Variants in DYM observed in about 807,000 individuals in gnomAD.
DYM encodes the protein dyggve-Melchior-Clausen syndrome protein.
Under a neutral mutation model 93.1 loss-of-function variants are expected in DYM, and 78 were observed. The ratio of observed to expected loss-of-function variants is 0.84; its 90% CI spans 0.70 to 1.01. DYM has a LOEUF of 1.01. DYM is among the 50% of genes least tolerant of loss of function. The pLI is 0.00. For missense variants in DYM, 789 were observed against 845.0 expected (o/e 0.93, Z 0.82); for synonymous variants, 321 against 319.7 (o/e 1.00, Z -0.04).
chr18:49,060,565 C>G (rs540349098), intron 17 of DYM, among the ~76,000 whole-genome samples: 12 of 148,556 alleles, frequency 8.1e-5, no homozygotes, highest in African/African-American at 3.0e-4. Flanking sequence ...CCATGCAGCC[C>G]CAGGTCAGGC....
intron 8 of DYM, among the ~76,000 whole-genome samples, chr18:49,298,821 T>G (rs543839738): frequency 1.3e-5 from 2 of 152,332 alleles, no homozygotes; most frequent in Admixed American, 1.3e-4. Flanking sequence ...AGTAAAACTC[T>G]TGGTTCACAT....
At chr18:49,272,686 T>C (rs1224019488) in intron 10 of DYM, among the ~76,000 whole-genome samples, 1 of 152,196 alleles carries the variant, frequency 6.6e-6, no homozygotes, top group Non-Finnish European at 1.5e-5. Flanking sequence ...TTTATGTGCT[T>C]AGCACCACCT....
intron 11 of DYM, among the ~76,000 whole-genome samples, chr18:49,268,882 T>A (rs2094620583): frequency 6.6e-6 from 1 of 152,150 alleles, no homozygotes; most frequent in Non-Finnish European, 1.5e-5. Context: ...AGTATTTTAC[T>A]GAAAACAAGA....
chr18:49,340,087 A>G (rs759688293), intron 6 of DYM, among the ~76,000 whole-genome samples: 32 of 152,086 alleles, frequency 2.1e-4, no homozygotes, highest in Non-Finnish European at 4.0e-4. Flanking sequence ...AGTAGCTGTG[A>G]ACTACAGGCA....
intron 14 of DYM, among the ~76,000 whole-genome samples, chr18:49,202,518 G>A (rs1271893537): frequency 7.4e-6 from 1 of 135,230 alleles, no homozygotes. Context: ...GAGCGTCTCC[G>A]CCCGGCCGCC....
chr18:49,189,507 T>C (rs1401582310), intron 14 of DYM, among the ~76,000 whole-genome samples: 2 of 152,172 alleles, frequency 1.3e-5, no homozygotes, highest in African/African-American at 2.4e-5. Flanking sequence ...ATTTACTATC[T>C]GCCAAACAAT....
chr18:49,313,050 G>A (rs1371635139), intron 8 of DYM, among the ~76,000 whole-genome samples: 3 of 152,164 alleles, frequency 2.0e-5, no homozygotes, highest in African/African-American at 7.2e-5. Flanking sequence ...TTGAATAGGA[G>A]CTAGGTTAAA....
intron 5 of DYM, among the ~76,000 whole-genome samples, chr18:49,368,299 G>A (rs1198538502): frequency 6.6e-6 from 1 of 152,206 alleles, no homozygotes; most frequent in Non-Finnish European, 1.5e-5. Flanking sequence ...GGGAAAGAAA[G>A]GGAGAGAAGA....
At chr18:49,299,827 A>C (rs2060790844) in intron 8 of DYM, among the ~76,000 whole-genome samples, 1 of 151,058 alleles carries the variant, frequency 6.6e-6, no homozygotes, top group African/African-American at 2.4e-5. Context: ...GCAGGTCATG[A>C]GGTCAGGAGA....
intron 8 of DYM, among the ~76,000 whole-genome samples, chr18:49,309,391 T>G (rs561497054): frequency 6.6e-6 from 1 of 152,292 alleles, no homozygotes; most frequent in South Asian, 2.1e-4. Flanking sequence ...TCCCAGCATT[T>G]TGAGAGGCTG....
chr18:49,084,772 G>C lies in DYM; in HGVS notation c.2025+12630C>G, dbSNP rs532845363. ...AAATGGCTCTCATCAACAAAATGTT[G>C]ACTGGAAGAAGAAAGTTGCAAAGGA... is the stretch of plus-strand genomic sequence containing the variant. On this transcript the variant is annotated intron_variant, in intron 17 of 17. Transcript: ENST00000675505. 4.7e-4 allele frequency among the ~76,000 whole-genome samples: 71 copies of C among 152,270 alleles called. 1 individual carries two copies. Among genetic ancestry groups the C allele is most frequent in the Admixed American group, 1.8e-3 (27 of 15,302 alleles).
intron 2 of DYM, among the ~76,000 whole-genome samples, chr18:49,394,594 C>T (rs1454307082): frequency 6.6e-6 from 1 of 152,102 alleles, no homozygotes; most frequent in Non-Finnish European, 1.5e-5. Context: ...ATAGGGATTG[C>T]ATTGAATCTG....
At chr18:49,175,144 T>G (rs925211129) in intron 14 of DYM, among the ~76,000 whole-genome samples, 14 of 152,306 alleles carry the variant, frequency 9.2e-5, no homozygotes, top group African/African-American at 3.4e-4. Flanking sequence ...ATATTTGTAC[T>G]GTAAACATGT....
At chr18:49,213,077 G>A (rs752134062) in intron 13 of DYM, among the ~76,000 whole-genome samples, 3 of 152,124 alleles carry the variant, frequency 2.0e-5, no homozygotes, top group Non-Finnish European at 2.9e-5. Flanking sequence ...ATTGTGCAAT[G>A]TATAGTTCTG....
At chr18:49,436,311 C>A (rs1183452896) in intron 1 of DYM, among the ~76,000 whole-genome samples, 1 of 152,166 alleles carries the variant, frequency 6.6e-6, no homozygotes, top group African/African-American at 2.4e-5. Flanking sequence ...CCACCTCTCC[C>A]AGCTACCCAA....
chr18:49,304,804 T>TA (rs1056045144), intron 8 of DYM, among the ~76,000 whole-genome samples: 1 of 152,174 alleles, frequency 6.6e-6, no homozygotes, highest in African/African-American at 2.4e-5. Context: ...CCCTCCACAC[T>TA]ACTCCCGTGC....
chr18:49,350,420 A>C (rs1215906846), intron 6 of DYM, among the ~76,000 whole-genome samples: 1 of 152,146 alleles, frequency 6.6e-6, no homozygotes, highest in Admixed American at 6.5e-5. Context: ...ATTTAAAAAC[A>C]CTTTTGGCTG....
At position 49,363,163 on chromosome 18, in the gene DYM, G is replaced by A. The variant is rs368387766; in HGVS notation, c.492C>T (p.Leu164=). The A allele has an allele frequency of 1.2e-5, 20 of 1,612,514 alleles. No homozygotes were observed. The African/African-American group carries it at 2.7e-4, about 21-fold the overall frequency. Residue 164 remains leucine, a splice_region_variant and synonymous_variant, in exon 6 of 18, where the codon CTC becomes CTT. Transcript: ENST00000675505. ...ATCCTGGCCTAGCCAGAACTTACAA[G>A]AGTGGAATATCAGTGATCAACTGCA... is the stretch of plus-strand genomic sequence containing the variant. ...CLMQLITDIP[L]LDITYEISVE... is the part of the protein sequence containing the mutation.
At chr18:49,302,679 T>A (rs1467502178) in intron 8 of DYM, among the ~76,000 whole-genome samples, 1 of 152,164 alleles carries the variant, frequency 6.6e-6, no homozygotes, top group East Asian at 1.9e-4. Context: ...TTAATGATGA[T>A]CCACACAAAT....
Sources: allele counts gnomAD v4.1 joint callset (sites outside exome capture counted in the v4.1 genomes callset), GRCh38; gene constraint gnomAD v4.1.1; transcripts MANE v1.5; gene names NCBI Gene and HGNC (gene_info 2026-07-23, HGNC 2026-07-21).